Variants in SPATA6L observed in about 807,000 individuals in gnomAD.
The protein encoded by SPATA6L is spermatogenesis associated 6 like.
In SPATA6L, 68 loss-of-function variants were observed where a neutral mutation model predicts 49.2. That is an observed-to-expected ratio of 1.38 (90% CI 1.14 to 1.69). The LOEUF (loss-of-function observed/expected upper bound fraction) is 1.69, where lower values mean the gene tolerates loss of function less well. Among genes scored for constraint, SPATA6L ranks in the 40% most tolerant of loss-of-function variants. The pLI, the probability that SPATA6L is intolerant of heterozygous loss-of-function variation, is 0.00. For synonymous variants in SPATA6L, 198 were observed against 165.7 expected (o/e 1.19, Z -1.50); for missense variants, 668 against 464.3 (o/e 1.44, Z -4.03).
chr9:4,614,023 C>G (rs943239823), intron 9 of SPATA6L, among the ~76,000 whole-genome samples: 1 of 152,190 alleles, frequency 6.6e-6, no homozygotes, highest in African/African-American at 2.4e-5. Context: ...GCGACTCTTT[C>G]ATTTGTTACC....
At chr9:4,609,180 C>T (rs560297090) in intron 9 of SPATA6L, among the ~76,000 whole-genome samples, 2,696 of 151,320 alleles carry the variant, frequency 0.018, 60 homozygotes, top group Admixed American at 0.061. Flanking sequence ...AAAGAGTCCA[C>T]GACCAGATGG....
At chr9:4,640,903 C>T (rs1465150267) in intron 3 of SPATA6L, among the ~76,000 whole-genome samples, 1 of 152,146 alleles carries the variant, frequency 6.6e-6, no homozygotes, top group Non-Finnish European at 1.5e-5. Flanking sequence ...AGTATTTATG[C>T]ACTCAGCTAG....
chr9:4,654,719 G>A (rs577458380), intron 3 of SPATA6L, among the ~76,000 whole-genome samples: 5 of 152,266 alleles, frequency 3.3e-5, no homozygotes, highest in East Asian at 3.9e-4. Context: ...CAACTGCCCC[G>A]GCCAAACTCC....
At position 4,627,483 on chromosome 9, in the gene SPATA6L, A is replaced by G. The variant is rs182381845; in HGVS notation, c.429+1608T>C. The G allele has an allele frequency of 2.1e-5, 6 of 281,100 alleles. No homozygotes were observed. In the East Asian group the frequency reaches 4.5e-4, roughly 21 times the overall value. The allele number at this position is 281,100 out of a possible 1,614,324, so 17.4% of individuals were successfully genotyped here. On this transcript the variant is annotated intron_variant, in intron 5 of 11. Transcript: ENST00000682582. ...AGCCCACATTTTCAAGGTCTTTTCT[A>G]GGACCCTACATGAGATCTGGGATAA...
chr9:4,593,780 G>A (rs1822055859), downstream of SPATA6L, among the ~76,000 whole-genome samples: 1 of 152,126 alleles, frequency 6.6e-6, no homozygotes, highest in African/African-American at 2.4e-5. Context: ...GACATTACCA[G>A]ATTCTGCCCC....
chr9:4,640,624 C>T (rs1833824539), intron 3 of SPATA6L, among the ~76,000 whole-genome samples: 1 of 152,236 alleles, frequency 6.6e-6, no homozygotes, highest in African/African-American at 2.4e-5. Flanking sequence ...GGCTCACTGC[C>T]ACTACTACGT....
At chr9:4,610,633 T>A (rs968635795) in intron 9 of SPATA6L, among the ~76,000 whole-genome samples, 1 of 151,896 alleles carries the variant, frequency 6.6e-6, no homozygotes, top group African/African-American at 2.4e-5. Flanking sequence ...TTACACCTTA[T>A]ACAAAAATCA....
chr9:4,642,460 C>G (rs1259287422), intron 3 of SPATA6L, among the ~76,000 whole-genome samples: 1 of 152,188 alleles, frequency 6.6e-6, no homozygotes, highest in African/African-American at 2.4e-5. Flanking sequence ...CCAAAAGCAC[C>G]TATTCTTAAA....
At chr9:4,618,417 T>C (rs1248908895) in intron 8 of SPATA6L, among the ~76,000 whole-genome samples, 1 of 152,182 alleles carries the variant, frequency 6.6e-6, no homozygotes, top group African/African-American at 2.4e-5. Context: ...AAATGTAACT[T>C]TAACAAAATA....
chr9:4,644,182 GCAAAAAAAAAAAAA>G (rs1386074625), intron 3 of SPATA6L, among the ~76,000 whole-genome samples: 65 of 49,408 alleles, frequency 1.3e-3, no homozygotes, highest in African/African-American at 6.0e-3. Flanking sequence ...TGCCATCTCT[GCAAAAAAAAAAAAA>G]AAAAAAAAAA....
chr9:4,662,884 T>A lies in SPATA6L; in HGVS notation c.40-848A>T. 6.2e-7 allele frequency: 1 copy of A among 1,606,864 alleles called. No individual in the cohort carries two copies. Among genetic ancestry groups the A allele is most frequent in the Non-Finnish European group, 8.5e-7 (1 of 1,179,946 alleles). ...GGGCGCGAGGTGCTGATGAACCTGCTCTTCGCCCTGCTGTTGGACCTGCTG... is the reference window on the plus strand; with the variant it reads ...GGGCGCGAGGTGCTGATGAACCTGCACTTCGCCCTGCTGTTGGACCTGCTG... On this transcript the variant is annotated intron_variant, in intron 1 of 11. Coordinates refer to ENST00000682582, the MANE Select transcript of SPATA6L (RefSeq NM_001353486.2). The surrounding 1 kb of genome is among the most constrained non-coding windows in gnomAD (Gnocchi z 4.9).
At chr9:4,618,779 A>T in intron 8 of SPATA6L, 85 bp downstream of exon 8, 1 of 1,256,270 alleles carries the variant, frequency 8.0e-7, no homozygotes, top group Non-Finnish European at 1.1e-6. Flanking sequence ...AACTAGAAAT[A>T]TCCACCACTG....
chr9:4,656,237 C>G (rs7873648), intron 2 of SPATA6L, 148 bp from the exon 3 acceptor site: 20,412 of 608,104 alleles, frequency 0.034, 1,226 homozygotes, highest in African/African-American at 0.19. Context: ...TCAGGAGTTT[C>G]AGACCAGCCT....
chr9:4,653,868 T>C (rs781009935), intron 3 of SPATA6L, among the ~76,000 whole-genome samples: 4 of 152,152 alleles, frequency 2.6e-5, no homozygotes, highest in Non-Finnish European at 4.4e-5. Context: ...GCCCAGAAAG[T>C]TGAGGCTTCA....
chr9:4,595,578 C>T (rs1257244966), downstream of SPATA6L, among the ~76,000 whole-genome samples: 1 of 152,188 alleles, frequency 6.6e-6, no homozygotes, highest in East Asian at 1.9e-4. Flanking sequence ...ATTTCCTCTT[C>T]TCTATATACA....
chr9:4,621,878 G>T (rs1423930115), intron 7 of SPATA6L, among the ~76,000 whole-genome samples: 1 of 152,112 alleles, frequency 6.6e-6, no homozygotes, highest in African/African-American at 2.4e-5. Flanking sequence ...AGCTCTTTGG[G>T]CTCTTTAATA....
rs1839990818 is a variant in SPATA6L, at chr9:4,662,301, A to C, written c.40-265T>G. On this transcript the variant is annotated intron_variant, in intron 1 of 11. Transcript: ENST00000682582. The surrounding 1 kb of genome is among the most constrained non-coding windows in gnomAD (Gnocchi z 4.9). ...CCGCCCCTCCGGGATGGTAGTGCGGAAGCGGAAGAGGCTGCAGGGCCGGGA... is the reference window on the plus strand; with the variant it reads ...CCGCCCCTCCGGGATGGTAGTGCGGCAGCGGAAGAGGCTGCAGGGCCGGGA... 4.9e-6 allele frequency: 7 copies of C among 1,434,736 alleles called. No homozygotes were observed. The highest frequency in any genetic ancestry group is 2.9e-5 in the African/African-American group (2 of 69,466). The allele number at this position is 1,434,736 out of a possible 1,614,324, so 88.9% of individuals were successfully genotyped here.
At chr9:4,627,426 C>T (rs754592237) in intron 5 of SPATA6L, 3 of 186,140 alleles carry the variant, frequency 1.6e-5, no homozygotes, top group Non-Finnish European at 2.3e-5. Flanking sequence ...GATTATTGGC[C>T]CTTCTTTCTC....
chr9:4,607,192 A>G (rs1020796521), intron 9 of SPATA6L, among the ~76,000 whole-genome samples: 2 of 152,032 alleles, frequency 1.3e-5, no homozygotes. Context: ...AGTGACGGGG[A>G]GAATGGAACC....
Sources: gnomAD v4.1 joint callset for allele counts (sites outside exome capture counted in the v4.1 genomes callset) on GRCh38, gnomAD v4.1.1 for gene constraint, Gnocchi (gnomAD v3.1) non-coding constraint, MANE v1.5 for transcripts, NCBI Gene and HGNC (gene_info 2026-07-23, HGNC 2026-07-21) for gene names.